Variants in FOXP1 observed in about 807,000 individuals in gnomAD.
FOXP1 encodes forkhead box protein P1.
A neutral mutation model predicts 98.2 loss-of-function variants in FOXP1; 15 were observed. That is an observed-to-expected ratio of 0.15 (90% confidence interval 0.10 to 0.24). The LOEUF (loss-of-function observed/expected upper bound fraction) is 0.24, where lower values mean the gene tolerates loss of function less well. Among genes scored for constraint, FOXP1 ranks in the 10% least tolerant of loss-of-function variants. The probability of loss-of-function intolerance (pLI) is 1.00; values close to 1 mark genes in which losing one functional copy is unlikely to be tolerated. For missense variants in FOXP1, 633 were observed against 848.5 expected (o/e 0.75, Z 3.15); for synonymous variants, 371 against 314.5 (o/e 1.18, Z -1.90).
chr3:71,288,614 C>T (rs2072423166), intron 5 of FOXP1, among the ~76,000 whole-genome samples: 1 of 152,204 alleles, frequency 6.6e-6, no homozygotes, highest in South Asian at 2.1e-4. Flanking sequence ...TCCCACTTTC[C>T]TCTATGCCTT....
chr3:70,981,191 CAAAAAAAAA>C (rs71104406), intron 14 of FOXP1, among the ~76,000 whole-genome samples: 2,449 of 59,974 alleles, frequency 0.041, 91 homozygotes, highest in African/African-American at 0.1. Flanking sequence ...CTCTTTCTAC[CAAAAAAAAA>C]AAAAAAAAAA....
chr3:71,487,980 T>G (rs891637438), intron 3 of FOXP1, among the ~76,000 whole-genome samples: 7 of 152,220 alleles, frequency 4.6e-5, no homozygotes, highest in Admixed American at 2.6e-4. Flanking sequence ...GATTTTTTTT[T>G]AATAAAAGTG....
intron 4 of FOXP1, among the ~76,000 whole-genome samples, chr3:71,301,196 C>A (rs184797895): frequency 7.3e-4 from 111 of 152,286 alleles, no homozygotes; most frequent in Middle Eastern, 3.4e-3. Context: ...TACTATTTTG[C>A]AGCCTGACCA....
chr3:71,210,219 A>G (rs947444750), intron 5 of FOXP1, among the ~76,000 whole-genome samples: 3 of 152,188 alleles, frequency 2.0e-5, no homozygotes, highest in African/African-American at 7.2e-5. Flanking sequence ...TAAACTCCTC[A>G]ACCTTCTCTA....
chr3:71,014,121 A>G (rs1254181457), intron 12 of FOXP1, among the ~76,000 whole-genome samples: 2 of 152,230 alleles, frequency 1.3e-5, no homozygotes, highest in Non-Finnish European at 2.9e-5. Context: ...AAAACAGCAA[A>G]AGCAATGGCA....
intron 3 of FOXP1, among the ~76,000 whole-genome samples, chr3:71,492,273 G>A (rs2091114668): frequency 6.6e-6 from 1 of 152,008 alleles, no homozygotes; most frequent in African/African-American, 2.4e-5. Context: ...CCAATGTGGT[G>A]AAACCCTGTC....
intron 6 of FOXP1, among the ~76,000 whole-genome samples, chr3:71,118,138 C>A (rs1050870000): frequency 6.6e-6 from 1 of 152,128 alleles, no homozygotes; most frequent in African/African-American, 2.4e-5. Context: ...GCACTCAGAG[C>A]CAGTGAGATG....
chr3:71,174,096 T>A (rs554802254), intron 6 of FOXP1, among the ~76,000 whole-genome samples: 5 of 152,332 alleles, frequency 3.3e-5, no homozygotes, highest in African/African-American at 1.2e-4. Flanking sequence ...CACAGACAGA[T>A]CCATTATTTA....
rs148369068 is a variant in FOXP1 at position 71,053,767 on chromosome 3, C to G, written c.289G>C (p.Val97Leu). ...TGAGGTGTCATCATAGCCACTGACA[C>G]GGGAACCTAGAATGTTAATGAAGGA... ...NDKQPALQVP[V>L]SVAMMTPQVI... Residue 97 changes from valine (V) to leucine (L), a missense_variant, in exon 8 of 21, where the codon GTG becomes CTG. Transcript: ENST00000649528. 2 of 1,613,908 alleles carry G rather than the reference C, an allele frequency of 1.2e-6. No homozygotes were observed. The highest frequency in any genetic ancestry group is 1.1e-5 in the South Asian group (1 of 91,072).
At chr3:71,456,116 C>G (rs772778670) in intron 3 of FOXP1, among the ~76,000 whole-genome samples, 34 of 152,222 alleles carry the variant, frequency 2.2e-4, no homozygotes, top group Admixed American at 1.4e-3. Context: ...GTTGCCCTTG[C>G]TCAGATGATT....
intron 4 of FOXP1, chr3:71,305,808 G>A (rs1422697505): frequency 6.5e-6 from 1 of 152,722 alleles, no homozygotes; most frequent in Non-Finnish European, 1.5e-5. Context: ...GCTCAGAAGG[G>A]CAGCAAAGTA....
chr3:71,137,974 G>A (rs940075674), intron 6 of FOXP1, among the ~76,000 whole-genome samples: 1 of 151,946 alleles, frequency 6.6e-6, no homozygotes, highest in Admixed American at 6.6e-5. Flanking sequence ...TGTGAGAACG[G>A]CCTTACAAGG....
intron 5 of FOXP1, among the ~76,000 whole-genome samples, chr3:71,220,625 C>G (rs997912129): frequency 3.3e-5 from 5 of 151,910 alleles, no homozygotes; most frequent in South Asian, 2.1e-4. Flanking sequence ...TGGCAGTGCA[C>G]GCCTGTAGTC....
rs2032426888 is a variant in FOXP1, at chr3:70,958,621, ATAG to A, written c.*623_*625del. 5.0e-6 allele frequency: 1 copy of A among 200,476 alleles called. No homozygotes were observed. Among genetic ancestry groups the A allele is most frequent in the Non-Finnish European group, 9.7e-6 (1 of 102,710 alleles). 12.4% of individuals were successfully genotyped at this position (200,476 alleles called of 1,614,324 possible). A position where few individuals can be genotyped will look rare whatever the true frequency, so the allele number is the denominator to read the frequency against. On this transcript the variant is annotated 3_prime_UTR_variant, in exon 21 of 21. Transcript: ENST00000649528. The stretch of plus-strand genomic sequence containing the variant: ...GCCTGAGGTCAGAACTTAAAATGGT[ATAG>A]TAGAAGGAAAAAAAAAAAAAAAAAA...
chr3:71,378,488 C>T (rs1021954019), intron 3 of FOXP1, among the ~76,000 whole-genome samples: 1 of 152,130 alleles, frequency 6.6e-6, no homozygotes, highest in Non-Finnish European at 1.5e-5. Context: ...CTCTGTCCTA[C>T]CCACATGAGT....
At chr3:71,409,623 C>A (rs1027118839) in intron 3 of FOXP1, among the ~76,000 whole-genome samples, 1 of 151,498 alleles carries the variant, frequency 6.6e-6, no homozygotes, top group Admixed American at 6.6e-5. Context: ...GCTATTCTGA[C>A]ATTAACAGTG....
intron 7 of FOXP1, among the ~76,000 whole-genome samples, chr3:71,086,312 T>C (rs1403768917): frequency 6.6e-6 from 1 of 152,222 alleles, no homozygotes; most frequent in East Asian, 1.9e-4. Context: ...TTTCAGACTG[T>C]GCCCATTACA....
chr3:71,502,489 C>G (rs1231917238), intron 2 of FOXP1, among the ~76,000 whole-genome samples: 1 of 152,160 alleles, frequency 6.6e-6, no homozygotes. Flanking sequence ...TTGTTTTTCA[C>G]ACTTTTAAAT....
At chr3:71,045,584 T>C (rs559435787) in intron 10 of FOXP1, among the ~76,000 whole-genome samples, 2 of 152,314 alleles carry the variant, frequency 1.3e-5, no homozygotes, top group East Asian at 3.9e-4. Context: ...ATTGCTCAGT[T>C]ACGACATCTT....
Sources: allele counts gnomAD v4.1 joint callset (sites outside exome capture counted in the v4.1 genomes callset), GRCh38; gene constraint gnomAD v4.1.1; transcripts MANE v1.5; gene names NCBI Gene and HGNC (gene_info 2026-07-23, HGNC 2026-07-21).